Variants in CLOCK observed in about 807,000 individuals in gnomAD.
CLOCK encodes clock circadian regulator.
A neutral mutation model predicts 118.4 loss-of-function variants in CLOCK; 43 were observed. That is an observed-to-expected ratio of 0.36 (90% CI 0.28 to 0.47). CLOCK has a LOEUF of 0.47. Ranked by LOEUF, CLOCK falls within the 20% of genes least tolerant of loss-of-function variation. The pLI is 1.00. For synonymous variants in CLOCK, 326 were observed against 339.2 expected, an observed-to-expected ratio of 0.96 and a Z score of 0.43; for missense variants, 846 against 999.9, an observed-to-expected ratio of 0.85 and a Z score of 2.08.
rs1490163953 is a variant in CLOCK at position 55,443,815 on chromosome 4, G to A, written c.1774C>T (p.Leu592Phe). 2 of 1,614,070 alleles carry A rather than the reference G, an allele frequency of 1.2e-6. No homozygotes were observed. The highest frequency in any genetic ancestry group is 1.7e-5 in the Admixed American group (1 of 60,018). ...TGGCCTTGCATATTTATAGGTGCAA[G>A]TTGCTGGATATTAGATGAATTTCCA... is the stretch of plus-strand genomic sequence containing the variant. ...SSGNSSNIQQLAPINMQGQVV... is the reference protein window; with the variant it reads ...SSGNSSNIQQFAPINMQGQVV... Residue 592 changes from leucine to phenylalanine, a missense_variant, in exon 20 of 23, where the codon CTT (leucine) becomes TTT (phenylalanine). By Grantham distance (22) the Leu-to-Phe change is conservative (BLOSUM62 0). Transcript: ENST00000513440.
At chr4:55,443,950 G>T in intron 19 of CLOCK, 54 bp from the exon 20 acceptor site, 1 of 1,529,170 alleles carries the variant, frequency 6.5e-7, no homozygotes, top group South Asian at 1.2e-5. Flanking sequence ...AAAGAAGAAT[G>T]AGCATTAAAA....
intron 21 of CLOCK, among the ~76,000 whole-genome samples, chr4:55,441,350 T>A (rs1156281141): frequency 6.6e-6 from 1 of 152,202 alleles, no homozygotes. Flanking sequence ...AAAGTAGATC[T>A]ACCATTTGAT....
At chr4:55,464,940 T>A (rs1051851222) in intron 8 of CLOCK, among the ~76,000 whole-genome samples, 1 of 152,318 alleles carries the variant, frequency 6.6e-6, no homozygotes, top group South Asian at 2.1e-4. Flanking sequence ...TGAAGTGAGA[T>A]GACCTTCCCC....
At chr4:55,546,288 T>G (rs1316420968) in intron 1 of CLOCK, among the ~76,000 whole-genome samples, 1 of 151,648 alleles carries the variant, frequency 6.6e-6, no homozygotes, top group Non-Finnish European at 1.5e-5. Flanking sequence ...CTCCCGCCCC[T>G]GCCCCGCAGG....
chr4:55,449,443 G>A lies in CLOCK; in HGVS notation c.1402C>T (p.Pro468Ser). 2.5e-6 allele frequency: 4 copies of A among 1,614,026 alleles called. No individual in the cohort carries two copies. Among genetic ancestry groups the A allele is most frequent in the African/African-American group, 1.3e-5 (1 of 75,032 alleles). The change falls in exon 17 of 23, where the codon CCA (proline) becomes TCA (serine). Residue 468 changes from proline to serine, a missense_variant. Physicochemically the swap from Pro to Ser is moderately conservative, Grantham distance 74 (BLOSUM62 -1). Coordinates refer to ENST00000513440, the MANE Select transcript of CLOCK (RefSeq NM_004898.4). ...CTTTGCACCATCTTCTCATGAGCTG[G>A]TAAATGCTGCCTGGGTGGAGTGCTC... ...DTSTPPRQHL[P>S]AHEKMVQRRS...
chr4:55,505,555 T>C (rs1233284545), intron 2 of CLOCK, among the ~76,000 whole-genome samples: 1 of 151,824 alleles, frequency 6.6e-6, no homozygotes, highest in Non-Finnish European at 1.5e-5. Context: ...TCTCAGCTAC[T>C]TGGGAAGCTG....
intron 2 of CLOCK, among the ~76,000 whole-genome samples, chr4:55,504,211 G>C (rs1336387233): frequency 1.4e-5 from 2 of 146,496 alleles, no homozygotes; most frequent in Non-Finnish European, 3.0e-5. Flanking sequence ...ACGTGAACCC[G>C]AGAGGTGGAG....
chr4:55,443,781 G>C lies in CLOCK; in HGVS notation c.1808C>G (p.Pro603Arg), dbSNP rs771529260. ...APINMQGQVVPTNQIQSGMNT... is the reference protein window; with the variant it reads ...APINMQGQVVRTNQIQSGMNT... ...CATTCCACTTTGAATCTGGTTAGTA[G>C]GAACAACTTGGCCTTGCATATTTAT... Residue 603 changes from proline (P) to arginine (R), a missense_variant, in exon 20 of 23, where the codon CCT becomes CGT. This residue lies in a region of CLOCK where 520 missense variants were observed against 558.0 expected (regional missense o/e 0.93). Coordinates refer to ENST00000513440, the MANE Select transcript of CLOCK (RefSeq NM_004898.4). 6.2e-7 allele frequency: 1 copy of C among 1,613,908 alleles called. No individual in the cohort carries two copies. Among genetic ancestry groups the C allele is most frequent in the African/African-American group, 1.3e-5 (1 of 74,894 alleles).
At chr4:55,515,737 T>C (rs1302446994) in intron 1 of CLOCK, among the ~76,000 whole-genome samples, 2 of 152,208 alleles carry the variant, frequency 1.3e-5, no homozygotes. Flanking sequence ...TTTAATTTGC[T>C]CTACTTTTTG....
At position 55,517,227 on chromosome 4, in the gene CLOCK, T is replaced by C. The variant is rs528106860; in HGVS notation, c.-289-7162A>G. ...GTGATTACTATAGTGTAAGATTCTT[T>C]TGGCCGGGCACGGTGGCTCACACCT... On this transcript the variant is annotated intron_variant, in intron 1 of 22. Coordinates refer to ENST00000513440, the MANE Select transcript of CLOCK (RefSeq NM_004898.4). 3.9e-5 allele frequency among the ~76,000 whole-genome samples: 6 copies of C among 152,224 alleles called. No individual in the cohort carries two copies. In the East Asian group the frequency reaches 5.8e-4, roughly 15 times the overall value.
Position 55,469,194 on chromosome 4 carries a change from C to T in CLOCK, c.438+1523G>A, listed in dbSNP as rs187043157. ...AGGCTGGAGTGCAATGGCTCGATCT[C>T]GGCTCACCGCAACCTCTGCCTCCCA... is the stretch of plus-strand genomic sequence containing the variant. On this transcript the variant is annotated intron_variant, in intron 8 of 22. Transcript: ENST00000513440. Among the ~76,000 whole-genome samples, 562 of 151,282 alleles carry T rather than the reference C, an allele frequency of 3.7e-3. 2 individuals carry two copies. Among genetic ancestry groups the T allele is most frequent in the Non-Finnish European group, 6.4e-3 (435 of 67,902 alleles).
At chr4:55,529,925 A>G (rs1198120649) in intron 1 of CLOCK, among the ~76,000 whole-genome samples, 1 of 152,244 alleles carries the variant, frequency 6.6e-6, no homozygotes, top group Non-Finnish European at 1.5e-5. Context: ...AGAAACATAC[A>G]ATTGAAAACA....
chr4:55,491,458 A>C (rs1727689528), intron 2 of CLOCK, among the ~76,000 whole-genome samples: 1 of 151,990 alleles, frequency 6.6e-6, no homozygotes, highest in South Asian at 2.1e-4. Context: ...CACTAGGAAT[A>C]AGAGAAGACT....
intron 1 of CLOCK, among the ~76,000 whole-genome samples, chr4:55,518,955 A>G (rs576030050): frequency 1.3e-5 from 2 of 152,304 alleles, no homozygotes; most frequent in African/African-American, 4.8e-5. Context: ...AGCTAACCTT[A>G]TATTCTGCCC....
intron 4 of CLOCK, 140 bp from the exon 5 acceptor site, chr4:55,479,839 T>C (rs1223776296): frequency 6.0e-6 from 4 of 669,878 alleles, no homozygotes; most frequent in Non-Finnish European, 8.1e-6. Flanking sequence ...CTAACCTATT[T>C]CCTAGTAAAC....
intron 15 of CLOCK, among the ~76,000 whole-genome samples, chr4:55,450,856 G>A (rs1724378491): frequency 6.6e-6 from 1 of 151,988 alleles, no homozygotes; most frequent in South Asian, 2.1e-4. Context: ...AAACATAGGG[G>A]AGAAAGCCAG....
In CLOCK at chr4:55,449,503, T is replaced by A. The variant is rs767896846; in HGVS notation, c.1349-7A>T. On this transcript the variant is annotated splice_region_variant and splice_polypyrimidine_tract_variant and intron_variant, in intron 16 of 22. Coordinates refer to ENST00000513440, the MANE Select transcript of CLOCK (RefSeq NM_004898.4). ...GGGATCTTGGTTGGTGTTGCTGAAG[T>A]CAACAAAATCAGAAGAGCATTAGTA... 6.2e-7 allele frequency: 1 copy of A among 1,606,318 alleles called. No individual in the cohort carries two copies. The highest frequency in any genetic ancestry group is 1.7e-5 in the Admixed American group (1 of 60,006).
In CLOCK at chr4:55,458,995, T is replaced by G. The variant is rs753199207; in HGVS notation, c.689A>C (p.His230Pro). 1 of 1,612,784 alleles carries G rather than the reference T, an allele frequency of 6.2e-7. No homozygotes were observed. Among genetic ancestry groups the G allele is most frequent in the East Asian group, 2.2e-5 (1 of 44,848 alleles). The change falls in exon 11 of 23, where the codon CAC (histidine) becomes CCC (proline). Residue 230 changes from histidine to proline, a missense_variant. By Grantham distance (77) the His-to-Pro change is moderately conservative. Coordinates refer to ENST00000513440, the MANE Select transcript of CLOCK (RefSeq NM_004898.4). ...KSLNSVSSSA[H>P]NGFEGTIQRT... ...TTGTATAGTTCCTTCAAAACCATTGTGTGCTGAAGAGGATACTAAAACAAT... is the reference window on the plus strand; with the variant it reads ...TTGTATAGTTCCTTCAAAACCATTGGGTGCTGAAGAGGATACTAAAACAAT...
At chr4:55,485,551 A>G (rs879730277) in intron 3 of CLOCK, among the ~76,000 whole-genome samples, 10 of 152,152 alleles carry the variant, frequency 6.6e-5, no homozygotes, top group African/African-American at 2.2e-4. Flanking sequence ...TGTGGAGTCT[A>G]AGGATACAGA....
Sources: allele counts gnomAD v4.1 joint callset (sites outside exome capture counted in the v4.1 genomes callset), GRCh38; gene constraint gnomAD v4.1.1; regional missense constraint gnomAD v4.1.1; transcripts MANE v1.5; gene names NCBI Gene and HGNC (gene_info 2026-07-23, HGNC 2026-07-21).